Variants in CRTC1 observed in about 807,000 individuals in gnomAD.
The protein encoded by CRTC1 is CREB-regulated transcription coactivator 1.
In CRTC1, 18 loss-of-function variants were observed where a neutral mutation model predicts 66.1. The observed-to-expected ratio is 0.27, with a 90% CI of 0.19 to 0.40. The LOEUF is 0.40. CRTC1 is among the 10% of genes least tolerant of loss of function. CRTC1 has a pLI of 1.00. For synonymous variants in CRTC1, 416 were observed against 398.8 expected (o/e 1.04, Z -0.51); for missense variants, 669 against 887.9 (o/e 0.75, Z 3.13).
rs565396761 is a variant in CRTC1 at position 18,731,929 on chromosome 19, G to A, written c.127-10981G>A. ...CCTCTCCTCACCCACCCTGCACCCCGGGGGCTCCTGCAGGGAGAGTCCTGG... is the reference window on the plus strand; with the variant it reads ...CCTCTCCTCACCCACCCTGCACCCCAGGGGCTCCTGCAGGGAGAGTCCTGG... On this transcript the variant is annotated intron_variant, in intron 1 of 13. Coordinates refer to ENST00000321949, the MANE Select transcript of CRTC1 (RefSeq NM_015321.3). Among the ~76,000 whole-genome samples the A allele has an allele frequency of 1.6e-4, 25 of 152,272 alleles. No individual in the cohort carries two copies. In the East Asian group the frequency reaches 4.8e-3, roughly 29 times the overall value.
chr19:18,737,739 GCTCCTCCTCCTCCTC>G (rs760680059), intron 1 of CRTC1, among the ~76,000 whole-genome samples: 2 of 149,730 alleles, frequency 1.3e-5, no homozygotes, highest in Non-Finnish European at 3.0e-5. Flanking sequence ...TCCTGCTGCT[GCTCCTCCTCCTCCTC>G]CTCCTCCTCC....
At chr19:18,733,408 C>T (rs1188685093) in intron 1 of CRTC1, among the ~76,000 whole-genome samples, 1 of 152,244 alleles carries the variant, frequency 6.6e-6, no homozygotes, top group Non-Finnish European at 1.5e-5. Flanking sequence ...GGCAGACCCT[C>T]TGTTCAGCTG....
intron 1 of CRTC1, among the ~76,000 whole-genome samples, chr19:18,729,615 G>A (rs920808797): frequency 2.6e-5 from 4 of 151,466 alleles, no homozygotes; most frequent in African/African-American, 9.7e-5. Context: ...TTGGCCTGCC[G>A]CTGTAGTCCC....
At chr19:18,767,367 T>C (rs2054760309) in intron 9 of CRTC1, among the ~76,000 whole-genome samples, 1 of 151,634 alleles carries the variant, frequency 6.6e-6, no homozygotes, top group Non-Finnish European at 1.5e-5. Flanking sequence ...CCCAGCTGAG[T>C]TTTGTATTTT....
intron 5 of CRTC1, among the ~76,000 whole-genome samples, chr19:18,750,946 G>A (rs1034391468): frequency 3.3e-5 from 5 of 152,156 alleles, no homozygotes; most frequent in African/African-American, 1.2e-4. Context: ...CAGCACGTCC[G>A]AGGGGTGGGC....
chr19:18,776,744 G>A (rs1032144386), intron 13 of CRTC1, among the ~76,000 whole-genome samples: 29 of 152,320 alleles, frequency 1.9e-4, no homozygotes, highest in African/African-American at 6.7e-4. Flanking sequence ...GGTCTTTGTG[G>A]GGGAACTGAG....
intron 1 of CRTC1, among the ~76,000 whole-genome samples, chr19:18,715,498 G>A (rs2053486645): frequency 6.6e-6 from 1 of 152,214 alleles, no homozygotes; most frequent in African/African-American, 2.4e-5. Flanking sequence ...TTATTTCCAA[G>A]TAAGTTCCCA....
chr19:18,748,468 C>T (rs940667002), intron 4 of CRTC1, among the ~76,000 whole-genome samples: 9 of 144,988 alleles, frequency 6.2e-5, no homozygotes, highest in Admixed American at 2.1e-4. Context: ...ATCCACCCAT[C>T]TCGGCCTCCC....
chr19:18,764,574 C>G (rs10409895), intron 8 of CRTC1, among the ~76,000 whole-genome samples: 2,690 of 152,312 alleles, frequency 0.018, 86 homozygotes, highest in African/African-American at 0.061. Flanking sequence ...CAAGGGCCTT[C>G]GGGGCCGGGG....
At chr19:18,703,422 G>A (rs1022618289) in intron 1 of CRTC1, among the ~76,000 whole-genome samples, 1 of 152,150 alleles carries the variant, frequency 6.6e-6, no homozygotes, top group Admixed American at 6.6e-5. Context: ...ACAGGGTTGT[G>A]TGTTGCATTT....
intron 1 of CRTC1, among the ~76,000 whole-genome samples, chr19:18,705,835 G>A (rs1600795499): frequency 6.6e-6 from 1 of 151,838 alleles, no homozygotes; most frequent in Admixed American, 6.6e-5. Context: ...GATAGGGATT[G>A]TGGTTTTGGT....
intron 1 of CRTC1, among the ~76,000 whole-genome samples, chr19:18,742,345 A>G (rs1381966216): frequency 2.0e-5 from 3 of 152,174 alleles, no homozygotes; most frequent in Non-Finnish European, 4.4e-5. Context: ...AGGAAGGAAC[A>G]TGGGGCTCAG....
chr19:18,774,414 C>T (rs2054937447), intron 11 of CRTC1, among the ~76,000 whole-genome samples: 1 of 152,240 alleles, frequency 6.6e-6, no homozygotes, highest in South Asian at 2.1e-4. Context: ...TGTGCTCTCT[C>T]AGCTGGTGGC....
At chr19:18,687,695 G>A (rs560494497) in intron 1 of CRTC1, among the ~76,000 whole-genome samples, 7 of 152,158 alleles carry the variant, frequency 4.6e-5, no homozygotes, top group East Asian at 1.9e-4. Flanking sequence ...TCACTCATGC[G>A]TGTCTGTTCA....
chr19:18,692,795 G>T (rs2145484065), intron 1 of CRTC1, among the ~76,000 whole-genome samples: 1 of 152,152 alleles, frequency 6.6e-6, no homozygotes, highest in East Asian at 1.9e-4. Context: ...ATTTTTCTGG[G>T]CCGGGCACGG....
At chr19:18,762,610 C>T (rs1203104936) in intron 8 of CRTC1, among the ~76,000 whole-genome samples, 1 of 152,236 alleles carries the variant, frequency 6.6e-6, no homozygotes, top group African/African-American at 2.4e-5. Flanking sequence ...GGCCCTGGCT[C>T]CTCCTTCCTG....
At chr19:18,753,262 C>T (rs990484963) in intron 5 of CRTC1, among the ~76,000 whole-genome samples, 1 of 149,582 alleles carries the variant, frequency 6.7e-6, no homozygotes, top group African/African-American at 2.5e-5. Context: ...GGCGACAGAG[C>T]GAGACTCCGT....
rs1033721012 is a variant in CRTC1, at chr19:18,703,131, T to C, written c.126+19303T>C. Among the ~76,000 whole-genome samples the C allele has an allele frequency of 9.2e-5, 14 of 151,986 alleles. No individual in the cohort carries two copies. In the South Asian group the frequency reaches 1.9e-3, roughly 20 times the overall value. On this transcript the variant is annotated intron_variant, in intron 1 of 13. Transcript: ENST00000321949. ...CCGAGTAGCTGGGACTACAGGCGCCTGCCACCACGCCCGGCTAATTTTTTT... is the reference window on the plus strand; with the variant it reads ...CCGAGTAGCTGGGACTACAGGCGCCCGCCACCACGCCCGGCTAATTTTTTT...
At chr19:18,748,753 CACAT>C (rs2054301162) in intron 4 of CRTC1, among the ~76,000 whole-genome samples, 1 of 149,724 alleles carries the variant, frequency 6.7e-6, no homozygotes. Flanking sequence ...ACACACCACA[CACAT>C]ACACACACAT....
Sources: allele counts gnomAD v4.1 joint callset (sites outside exome capture counted in the v4.1 genomes callset), GRCh38; gene constraint gnomAD v4.1.1; transcripts MANE v1.5; gene names NCBI Gene and HGNC (gene_info 2026-07-23, HGNC 2026-07-21).